The following DRC10 variants were observed in gnomAD, a reference collection of about 807,000 sequenced individuals.
The protein encoded by DRC10 is dynein regulatory complex subunit 10.
chr12:113,208,336 T>G, the DRC10 span: 13 of 1,422,496 alleles, frequency 9.1e-6, no homozygotes, highest in African/African-American at 1.6e-4. Flanking sequence ...AAACCACAAC[T>G]GTTGACATCA....
the DRC10 span, among the ~76,000 whole-genome samples, chr12:113,220,555 AAAC>A: frequency 1.2e-4 from 19 of 152,202 alleles, no homozygotes; most frequent in Admixed American, 6.5e-4. Context: ...TGCTCGGCAA[AAAC>A]AACAACAACA....
At chr12:113,207,583 AAC>A in the DRC10 span, 3 of 1,614,090 alleles carry the variant, frequency 1.9e-6, no homozygotes, top group Non-Finnish European at 1.7e-6. Context: ...TAGTTTTTCA[AAC>A]AGGAAACCAC....
chr12:113,207,400 G>A, the DRC10 span: 3 of 1,513,082 alleles, frequency 2.0e-6, no homozygotes, highest in Admixed American at 1.7e-5. Flanking sequence ...GATTTGTGTG[G>A]CTTCTTCAGT....
At chr12:113,213,171 G>A in the DRC10 span, among the ~76,000 whole-genome samples, 3 of 139,518 alleles carry the variant, frequency 2.2e-5, no homozygotes, top group Admixed American at 2.2e-4. Flanking sequence ...AAAGTCAGAG[G>A]GTGCTAAAAA....
chr12:113,218,259 C>G, the DRC10 span, among the ~76,000 whole-genome samples: 3 of 152,050 alleles, frequency 2.0e-5, no homozygotes, highest in South Asian at 6.2e-4. Context: ...GCCTCAGCCT[C>G]CCAAGTAGCT....
the DRC10 span, among the ~76,000 whole-genome samples, chr12:113,209,152 A>AAAATCCTGACCTCCCGTG: frequency 1.1e-4 from 16 of 151,682 alleles, no homozygotes; most frequent in African/African-American, 3.9e-4. Flanking sequence ...GGCTGTTCTC[A>AAAATCCTGACCTCCCGTG]ATCCACCTGC....
At chr12:113,219,943 G>A in the DRC10 span, among the ~76,000 whole-genome samples, 1 of 152,154 alleles carries the variant, frequency 6.6e-6, no homozygotes, top group Non-Finnish European at 1.5e-5. Flanking sequence ...GAGTAGCTGG[G>A]ATCACAGGCA....
chr12:113,210,610 AAG>A, the DRC10 span, among the ~76,000 whole-genome samples: 4 of 144,342 alleles, frequency 2.8e-5, no homozygotes, highest in East Asian at 5.9e-4. Context: ...AAAAGAAAAA[AAG>A]AAAAAAAAAA....
chr12:113,205,902 CAAA>C, the DRC10 span, among the ~76,000 whole-genome samples: 40 of 48,006 alleles, frequency 8.3e-4, no homozygotes, highest in East Asian at 0.012. Flanking sequence ...GACTCCGTCT[CAAA>C]AAAAAAAAAA....
the DRC10 span, among the ~76,000 whole-genome samples, chr12:113,204,925 C>CA: frequency 0.085 from 12,082 of 142,820 alleles, 599 homozygotes; most frequent in Non-Finnish European, 0.099. Context: ...AAGACTGTCT[C>CA]AAAAAAAAAA....
At chr12:113,200,427 C>CTG in the DRC10 span, 1 of 739,442 alleles carries the variant, frequency 1.4e-6, no homozygotes. Flanking sequence ...TTCCCTGCTC[C>CTG]TGTGCCCTTC....
At chr12:113,203,495 A>C in the DRC10 span, among the ~76,000 whole-genome samples, 1 of 117,244 alleles carries the variant, frequency 8.5e-6, no homozygotes, top group Non-Finnish European at 1.6e-5. Context: ...CCTTTCATTG[A>C]GACAGAGTCT....
At chr12:113,215,617 G>T in the DRC10 span, among the ~76,000 whole-genome samples, 1 of 152,142 alleles carries the variant, frequency 6.6e-6, no homozygotes, top group South Asian at 2.1e-4. Flanking sequence ...ACTCCCCATT[G>T]TCCAGTCTCC....
the DRC10 span, chr12:113,197,500 T>C: frequency 1.5e-6 from 2 of 1,378,892 alleles, no homozygotes; most frequent in East Asian, 5.0e-5. Context: ...TAGAAGGTCT[T>C]GGGAAAAGCA....
At chr12:113,214,012 C>T in the DRC10 span, among the ~76,000 whole-genome samples, 9 of 152,100 alleles carry the variant, frequency 5.9e-5, no homozygotes, top group African/African-American at 1.4e-4. Context: ...TCTTGAACTC[C>T]TGGGCTCAAG....
At chr12:113,207,673 G>T in the DRC10 span, 1 of 1,614,082 alleles carries the variant, frequency 6.2e-7, no homozygotes, top group South Asian at 1.1e-5. Context: ...GAGCCTAGCA[G>T]CCTGGGGGTT....
the DRC10 span, chr12:113,206,279 G>C: frequency 6.6e-6 from 1 of 151,440 alleles, no homozygotes; most frequent in Non-Finnish European, 1.5e-5. Flanking sequence ...TTTTAGCTTA[G>C]ATATTTGCCT....
the DRC10 span, among the ~76,000 whole-genome samples, chr12:113,199,786 T>C: frequency 1.3e-5 from 2 of 152,176 alleles, no homozygotes; most frequent in East Asian, 3.9e-4. Context: ...GGCACAGTTA[T>C]AGTTCACTGC....
chr12:113,202,271 C>T, the DRC10 span, among the ~76,000 whole-genome samples: 1 of 151,394 alleles, frequency 6.6e-6, no homozygotes, highest in East Asian at 1.9e-4. Context: ...CTCAAGACCA[C>T]ACAAATCACA....
Sources: allele counts gnomAD v4.1 joint callset (sites outside exome capture counted in the v4.1 genomes callset), GRCh38; gene constraint gnomAD v4.1.1; transcripts MANE v1.5; gene names NCBI Gene and HGNC (gene_info 2026-07-23, HGNC 2026-07-21).